Variants in PRDM1 observed in about 807,000 individuals in gnomAD.
PRDM1 encodes the protein PR/SET domain 1, also known as PR domain zinc finger protein 1.
A neutral mutation model predicts 62.8 loss-of-function variants in PRDM1; 13 were observed. The ratio of observed to expected loss-of-function variants is 0.21; its 90% CI spans 0.13 to 0.33. The LOEUF is 0.33. Ranked by LOEUF, PRDM1 falls within the 10% of genes least tolerant of loss-of-function variation. PRDM1 has a pLI of 1.00. For missense variants in PRDM1, 895 were observed against 1,058.8 expected (o/e 0.85, Z 2.15); for synonymous variants, 396 against 417.6 (o/e 0.95, Z 0.63).
upstream of PRDM1, among the ~76,000 whole-genome samples, chr6:105,993,155 G>T (rs1772300143): frequency 6.6e-6 from 1 of 152,146 alleles, no homozygotes; most frequent in African/African-American, 2.4e-5. Context: ...AAATAATTCT[G>T]CATTGTTTCT....
At chr6:105,997,635 G>T (rs1772363583) in intron 1 of PRDM1, among the ~76,000 whole-genome samples, 1 of 152,164 alleles carries the variant, frequency 6.6e-6, no homozygotes, top group African/African-American at 2.4e-5. Context: ...TCACTTATAT[G>T]CCTTTTTTAA....
In PRDM1 at chr6:106,106,896, T is replaced by TCC. The variant is rs1478775474; in HGVS notation, c.1903-12_1903-11dup. On this transcript the variant is annotated splice_polypyrimidine_tract_variant and intron_variant, in intron 6 of 6. Coordinates refer to ENST00000369096, the MANE Select transcript of PRDM1 (RefSeq NM_001198.4). The surrounding 1 kb of genome is among the most constrained non-coding windows in gnomAD (Gnocchi z 4.4). ...CTGTCTCCCTTCCCTGCTGTCTCTC[T>TCC]CCCCTACACTGTAGGTCTGCCACAA... 1.3e-6 allele frequency: 2 copies of TCC among 1,595,840 alleles called. No homozygotes were observed. The highest frequency in any genetic ancestry group is 1.7e-6 in the Non-Finnish European group (2 of 1,167,116).
chr6:106,004,450 G>T (rs1772461171), intron 1 of PRDM1, among the ~76,000 whole-genome samples: 1 of 152,170 alleles, frequency 6.6e-6, no homozygotes, highest in African/African-American at 2.4e-5. Flanking sequence ...GCTATTTGTG[G>T]CACCAAAGAT....
chr6:106,065,571 T>C (rs757295647), intron 1 of PRDM1, among the ~76,000 whole-genome samples: 6 of 152,230 alleles, frequency 3.9e-5, no homozygotes, highest in Non-Finnish European at 8.8e-5. Context: ...TAATTATATA[T>C]TAAAAGGGCT....
intron 1 of PRDM1, among the ~76,000 whole-genome samples, chr6:106,052,745 G>T (rs1249483297): frequency 6.6e-6 from 1 of 152,106 alleles, no homozygotes; most frequent in Admixed American, 6.5e-5. Context: ...GGCCAAGGTA[G>T]ATGGATCACG....
At chr6:106,034,892 A>G (rs375344182) in intron 1 of PRDM1, among the ~76,000 whole-genome samples, 6 of 152,230 alleles carry the variant, frequency 3.9e-5, no homozygotes, top group East Asian at 1.9e-4. Flanking sequence ...TTAGCCTCCC[A>G]AAGTGCTGGG....
chr6:105,998,890 CATATATAT>C (rs202209129), intron 1 of PRDM1, among the ~76,000 whole-genome samples: 35 of 100,200 alleles, frequency 3.5e-4, no homozygotes, highest in Non-Finnish European at 2.1e-4. Context: ...AAAGTTAATA[CATATATAT>C]ATATATATAT....
chr6:106,044,533 A>G (rs1374525583), upstream of PRDM1, among the ~76,000 whole-genome samples: 1 of 152,130 alleles, frequency 6.6e-6, no homozygotes, highest in East Asian at 1.9e-4. Flanking sequence ...CTGGCCTCAA[A>G]TCGTATCACC....
chr6:106,040,750 A>G (rs1772984017), intron 1 of PRDM1, among the ~76,000 whole-genome samples: 1 of 152,254 alleles, frequency 6.6e-6, no homozygotes, highest in African/African-American at 2.4e-5. Context: ...CATGATGTGT[A>G]TCCTTTATTA....
Position 106,105,549 on chromosome 6 carries a change from C to T in PRDM1, c.1389C>T (p.Pro463=). ...GCCTGCCCCACCCCATGCTCAACCCCACTTCTCTCCCGAGCTCGCTGCCCT... is the reference window on the plus strand; with the variant it reads ...GCCTGCCCCACCCCATGCTCAACCCTACTTCTCTCCCGAGCTCGCTGCCCT... ...GGSLPHPMLN[P]TSLPSSLPSD... Residue 463 remains proline, a synonymous_variant, in exon 5 of 7, where the codon CCC becomes CCT. Coordinates refer to ENST00000369096, the MANE Select transcript of PRDM1 (RefSeq NM_001198.4). The T allele has an allele frequency of 6.2e-7, 1 of 1,612,772 alleles. No homozygotes were observed. The highest frequency in any genetic ancestry group is 8.5e-7 in the Non-Finnish European group (1 of 1,179,068).
upstream of PRDM1, among the ~76,000 whole-genome samples, chr6:106,044,281 T>C (rs1381885994): frequency 1.3e-5 from 2 of 151,872 alleles, no homozygotes; most frequent in Non-Finnish European, 2.9e-5. Flanking sequence ...CTTAATTCCA[T>C]TTCTCTTTCT....
chr6:106,106,956 C>A lies in PRDM1; in HGVS notation c.1948C>A (p.Leu650Met), dbSNP rs147011403. 59 of 1,614,040 alleles carry A rather than the reference C, an allele frequency of 3.7e-5. No homozygotes were observed. Among genetic ancestry groups the A allele is most frequent in the Non-Finnish European group, 4.9e-5 (58 of 1,180,040 alleles). ...CAGCACCAGCAATCTCAAGACCCACCTGCGACTCCATTCTGGAGAGAAACC... is the reference window on the plus strand; with the variant it reads ...CAGCACCAGCAATCTCAAGACCCACATGCGACTCCATTCTGGAGAGAAACC... Reference protein sequence around the residue: ...FSSTSNLKTHLRLHSGEKPYQ... With the variant: ...FSSTSNLKTHMRLHSGEKPYQ... Residue 650 changes from leucine to methionine, a missense_variant, in exon 7 of 7, where the codon CTG becomes ATG. Physicochemically the swap from Leu to Met is conservative, Grantham distance 15 (BLOSUM62 2). Transcript: ENST00000369096. This position sits in a 1 kb window ranked among gnomAD's most constrained non-coding sequence, Gnocchi z 4.4.
At chr6:106,070,773 C>A (rs945856350) in intron 1 of PRDM1, among the ~76,000 whole-genome samples, 1 of 152,104 alleles carries the variant, frequency 6.6e-6, no homozygotes, top group Non-Finnish European at 1.5e-5. Flanking sequence ...TGAATAGTAA[C>A]CCTATGGCAT....
At chr6:106,082,993 T>TA (rs1773718383), upstream of PRDM1, among the ~76,000 whole-genome samples, 2 of 152,032 alleles carry the variant, frequency 1.3e-5, no homozygotes, top group African/African-American at 4.8e-5. Flanking sequence ...GTCCGGCTTT[T>TA]AAAAAGGAAG....
At chr6:106,047,662 G>A (rs1486132767), upstream of PRDM1, among the ~76,000 whole-genome samples, 1 of 152,178 alleles carries the variant, frequency 6.6e-6, no homozygotes, top group African/African-American at 2.4e-5. Context: ...TATAGTGGTT[G>A]CACCAAAGGA....
At chr6:106,098,363 C>G (rs1177855718) in intron 3 of PRDM1, 13 of 985,144 alleles carry the variant, frequency 1.3e-5, no homozygotes, top group Non-Finnish European at 1.4e-5. Context: ...TTTCTTCTTC[C>G]TCTGCCTCTT....
chr6:106,087,885 A>G lies in PRDM1; in HGVS notation c.43-316A>G, dbSNP rs1773849634. On this transcript the variant is annotated intron_variant, in intron 1 of 6. Coordinates refer to ENST00000369096, the MANE Select transcript of PRDM1 (RefSeq NM_001198.4). ...TTCTGGGACACTGGACTGTGTGCCC[A>G]GAACATTTTTCTGCCATGAGAGGTA... The G allele has an allele frequency of 1.1e-5, 3 of 270,344 alleles. No individual in the cohort carries two copies. In the South Asian group the frequency reaches 2.7e-4, roughly 24 times the overall value. 16.7% of individuals were successfully genotyped at this position (270,344 alleles called of 1,614,324 possible).
At chr6:106,104,793 T>G in intron 4 of PRDM1, 32 bp from the exon 5 acceptor site, 1 of 1,588,266 alleles carries the variant, frequency 6.3e-7, no homozygotes, top group Non-Finnish European at 8.6e-7. Flanking sequence ...TCTCTAGCCC[T>G]CTGTGTAATC....
At chr6:106,080,956 G>C (rs1220335875) in intron 1 of PRDM1, among the ~76,000 whole-genome samples, 1 of 152,164 alleles carries the variant, frequency 6.6e-6, no homozygotes, top group Non-Finnish European at 1.5e-5. Context: ...GGAAACAATG[G>C]GCTGTAGATG....
Sources: gnomAD v4.1 joint callset for allele counts (sites outside exome capture counted in the v4.1 genomes callset) on GRCh38, gnomAD v4.1.1 for gene constraint, Gnocchi (gnomAD v3.1) non-coding constraint, MANE v1.5 for transcripts, NCBI Gene and HGNC (gene_info 2026-07-23, HGNC 2026-07-21) for gene names.